SEPTIN5: variants seen among roughly 807,000 people sequenced by gnomAD.
The protein encoded by SEPTIN5 is septin-5.
Under a neutral mutation model 51.2 loss-of-function variants are expected in SEPTIN5, and 16 were observed. The observed-to-expected ratio is 0.31, with a 90% confidence interval of 0.21 to 0.47. The LOEUF is 0.47. Ranked by LOEUF, SEPTIN5 falls within the 20% of genes least tolerant of loss-of-function variation. The pLI, the probability that SEPTIN5 is intolerant of heterozygous loss-of-function variation, is 0.99. For missense variants in SEPTIN5, 376 were observed against 500.3 expected (o/e 0.75, Z 2.37); for synonymous variants, 208 against 191.2 (o/e 1.09, Z -0.72).
At position 19,723,280 on chromosome 22, in the gene SEPTIN5, G is replaced by C. The variant is rs2145794763; in HGVS notation, c.*796G>C. 1.4e-6 allele frequency: 1 copy of C among 692,972 alleles called. No homozygotes were observed. Among genetic ancestry groups the C allele is most frequent in the East Asian group, 2.7e-5 (1 of 36,728 alleles). The allele number at this position is 692,972 out of a possible 1,614,324, so 42.9% of individuals were successfully genotyped here. On this transcript the variant is annotated 3_prime_UTR_variant, in exon 12 of 12. Transcript: ENST00000455784. ...CGTTTTCTTCCGTTGTGAATGCCGC[G>C]TCCTGTCCTGGTGACAGGAGAACAA...
In SEPTIN5 at chr22:19,714,553, C is replaced by T; in HGVS notation, c.-36C>T. On this transcript the variant is annotated 5_prime_UTR_variant, in exon 1 of 12. Coordinates refer to ENST00000455784, the MANE Select transcript of SEPTIN5 (RefSeq NM_002688.6). This position sits in a 1 kb window ranked among gnomAD's most constrained non-coding sequence, Gnocchi z 5.2. ...GCCGCTTGTCGTCGCGCCCCGCCCGCGAGCCCGCCCCGCACGTCCCCCGCC... is the reference window on the plus strand; with the variant it reads ...GCCGCTTGTCGTCGCGCCCCGCCCGTGAGCCCGCCCCGCACGTCCCCCGCC... The T allele has an allele frequency of 7.4e-7, 1 of 1,349,408 alleles. No individual in the cohort carries two copies. Among genetic ancestry groups the T allele is most frequent in the Non-Finnish European group, 9.5e-7 (1 of 1,051,926 alleles). 83.6% of individuals were successfully genotyped at this position (1,349,408 alleles called of 1,614,324 possible).
intron 2 of SEPTIN5, chr22:19,718,735 G>A (rs1180165297): frequency 1.6e-6 from 2 of 1,242,640 alleles, no homozygotes; most frequent in Middle Eastern, 4.6e-4. Flanking sequence ...GGGGGTCGCC[G>A]CGATGGACTC....
Position 19,723,188 on chromosome 22 carries a change from C to T in SEPTIN5, c.*704C>T, listed in dbSNP as rs1481377386. On this transcript the variant is annotated 3_prime_UTR_variant, in exon 12 of 12. Coordinates refer to ENST00000455784, the MANE Select transcript of SEPTIN5 (RefSeq NM_002688.6). ...TTCTCCCCAGCACCGCTGTGGTGTGCCGGGATCCTGAGCCTAGGCCTCCCG... is the reference window on the plus strand; with the variant it reads ...TTCTCCCCAGCACCGCTGTGGTGTGTCGGGATCCTGAGCCTAGGCCTCCCG... 1.7e-6 allele frequency: 1 copy of T among 588,534 alleles called. No homozygotes were observed. The highest frequency in any genetic ancestry group is 3.2e-6 in the Non-Finnish European group (1 of 312,324). The allele number at this position is 588,534 out of a possible 1,614,324, so 36.5% of individuals were successfully genotyped here. A position where few individuals can be genotyped will look rare whatever the true frequency, so the allele number is the denominator to read the frequency against.
Position 19,719,718 on chromosome 22 carries a change from C to CG in SEPTIN5, c.151+25dup. The CG allele has an allele frequency of 1.2e-6, 2 of 1,612,088 alleles. No homozygotes were observed. The highest frequency in any genetic ancestry group is 1.1e-5 in the South Asian group (1 of 91,058). On this transcript the variant is annotated intron_variant, in intron 3 of 11. Coordinates refer to ENST00000455784, the MANE Select transcript of SEPTIN5 (RefSeq NM_002688.6). ...TGGCTGGTGAGTGGGCCAGGCTCCT[C>CG]GGGGGAGTGGCTGGGGTCACTGGCC...
At chr22:19,717,789 G>A in intron 2 of SEPTIN5, 1 of 228,920 alleles carries the variant, frequency 4.4e-6, no homozygotes, top group Non-Finnish European at 8.9e-6. Flanking sequence ...ACACACCCGC[G>A]CACACGCACA....
intron 2 of SEPTIN5, chr22:19,717,515 C>A (rs1343225420): frequency 1.1e-5 from 4 of 354,064 alleles, no homozygotes; most frequent in East Asian, 1.7e-4. Flanking sequence ...CCCACCCCCA[C>A]CCCTGTCTCT....
intron 4 of SEPTIN5, 55 bp downstream of exon 4, chr22:19,719,947 C>T: frequency 6.3e-7 from 1 of 1,599,242 alleles, no homozygotes; most frequent in Admixed American, 1.7e-5. Context: ...TCCATGGGAC[C>T]TCTCCAAGGA....
In SEPTIN5 at chr22:19,720,531, C is replaced by A. The variant is rs756736977; in HGVS notation, c.498-18C>A. On this transcript the variant is annotated intron_variant, in intron 6 of 11. Coordinates refer to ENST00000455784, the MANE Select transcript of SEPTIN5 (RefSeq NM_002688.6). Reference sequence around the variant, plus strand: ...CCCCCTGGCTGTGCCTATGCCCACCCTTGGCTGCTCTCGGCAGGCTGCGGC... The same window carrying A: ...CCCCCTGGCTGTGCCTATGCCCACCATTGGCTGCTCTCGGCAGGCTGCGGC... 7.4e-6 allele frequency: 12 copies of A among 1,613,322 alleles called. No homozygotes were observed. The South Asian group carries it at 1.3e-4, about 18-fold the overall frequency.
intron 2 of SEPTIN5, among the ~76,000 whole-genome samples, chr22:19,715,839 T>C (rs1034957144): frequency 1.3e-5 from 2 of 152,124 alleles, no homozygotes; most frequent in African/African-American, 4.8e-5. Flanking sequence ...AGGGGCCCCT[T>C]GGGGAGCCAG....
At chr22:19,722,025 C>A (rs952559994) in intron 10 of SEPTIN5, 68 bp downstream of exon 10, 1 of 1,545,492 alleles carries the variant, frequency 6.5e-7, no homozygotes. Context: ...AACTGAGGGC[C>A]GGTCCTGTCA....
At chr22:19,715,211 G>A (rs998169571) in intron 2 of SEPTIN5, among the ~76,000 whole-genome samples, 1 of 152,234 alleles carries the variant, frequency 6.6e-6, no homozygotes, top group Non-Finnish European at 1.5e-5. Flanking sequence ...GAGGGCCTGT[G>A]GTCACCACCC....
Position 19,719,843 on chromosome 22 carries a change from C to T in SEPTIN5, c.189C>T (p.Ser63=), listed in dbSNP as rs1165915059. ...TGGGGAAGTCCACACTGGTCCACAG[C>T]CTCTTCCTGACAGACTTGTACAAGG... ...SGLGKSTLVH[S]LFLTDLYKDR... The change falls in exon 4 of 12, where the codon AGC becomes AGT. Residue 63 remains serine, a synonymous_variant. Transcript: ENST00000455784. 1 of 1,613,008 alleles carries T rather than the reference C, an allele frequency of 6.2e-7. No individual in the cohort carries two copies. The highest frequency in any genetic ancestry group is 2.2e-5 in the East Asian group (1 of 44,892).
chr22:19,721,861 A>G lies in SEPTIN5; in HGVS notation c.854A>G (p.Asn285Ser), dbSNP rs1454237062. Residue 285 changes from asparagine (N) to serine (S), a missense_variant, in exon 10 of 12, where the codon AAC (asparagine) becomes AGC (serine). By Grantham distance (46) the Asn-to-Ser change is conservative. Transcript: ENST00000455784. ...CATTGCGACTTCGTGAAGCTGCGCA[A>G]CATGCTCATCCGCACGCATATGCAC... ...QAHCDFVKLRNMLIRTHMHDL... is the reference protein window; with the variant it reads ...QAHCDFVKLRSMLIRTHMHDL... The G allele has an allele frequency of 8.1e-6, 13 of 1,611,670 alleles. No individual in the cohort carries two copies. The highest frequency in any genetic ancestry group is 1.7e-5 in the Admixed American group (1 of 59,950).
chr22:19,717,295 G>T (rs1240045594), intron 2 of SEPTIN5: 1 of 470,648 alleles, frequency 2.1e-6, no homozygotes, highest in East Asian at 6.9e-5. Flanking sequence ...GCTCCGCTGG[G>T]CTTGCCTGTT....
At chr22:19,717,975 G>A (rs1410105528) in intron 2 of SEPTIN5, 2 of 153,694 alleles carry the variant, frequency 1.3e-5, no homozygotes, top group Non-Finnish European at 2.9e-5. Flanking sequence ...CAGGGCTGGG[G>A]AGGGGTGCAG....
In SEPTIN5 at chr22:19,721,652, T is replaced by G; in HGVS notation, c.730T>G (p.Phe244Val). The G allele has an allele frequency of 1.2e-6, 2 of 1,612,808 alleles. No homozygotes were observed. The highest frequency in any genetic ancestry group is 1.7e-6 in the Non-Finnish European group (2 of 1,179,774). Residue 244 changes from phenylalanine (F) to valine (V), a missense_variant, in exon 9 of 12, where the codon TTC becomes GTC. Phe to Val is a conservative substitution (Grantham distance 50). Around this residue, in one of 2 missense-constraint regions of SEPTIN5, gnomAD observed 287 missense variants for 417.1 expected, o/e 0.69. Coordinates refer to ENST00000455784, the MANE Select transcript of SEPTIN5 (RefSeq NM_002688.6). ...QDRELKESAPFAVIGSNTVVE... is the reference protein window; with the variant it reads ...QDRELKESAPVAVIGSNTVVE... ...CTCCTTCCCCCAGGAGAGCGCGCCC[T>G]TCGCCGTTATAGGCAGCAACACGGT...
At position 19,723,264 on chromosome 22, in the gene SEPTIN5, C is replaced by T. The variant is rs1468375792; in HGVS notation, c.*780C>T. 1 of 683,062 alleles carries T rather than the reference C, an allele frequency of 1.5e-6. No individual in the cohort carries two copies. The highest frequency in any genetic ancestry group is 2.7e-6 in the Non-Finnish European group (1 of 372,500). The allele number at this position is 683,062 out of a possible 1,614,324, so 42.3% of individuals were successfully genotyped here. On this transcript the variant is annotated 3_prime_UTR_variant, in exon 12 of 12. Transcript: ENST00000455784. ...CCGCCACACGATGCTCCGTTTTCTT[C>T]CGTTGTGAATGCCGCGTCCTGTCCT...
chr22:19,715,985 C>CG (rs1935906177), intron 2 of SEPTIN5, among the ~76,000 whole-genome samples: 1 of 152,218 alleles, frequency 6.6e-6, no homozygotes, highest in African/African-American at 2.4e-5. Context: ...TGAGGCTTCT[C>CG]CTGTGCCTGC....
In SEPTIN5 at chr22:19,722,739, C is replaced by T. The variant is rs559352089; in HGVS notation, c.*255C>T. 28 of 556,964 alleles carry T rather than the reference C, an allele frequency of 5.0e-5. No individual in the cohort carries two copies. The highest frequency in any genetic ancestry group is 4.7e-4 in the South Asian group (23 of 48,680). The allele number at this position is 556,964 out of a possible 1,614,324, so 34.5% of individuals were successfully genotyped here. ...GACTTCAGAGATCCGCCTCCCTTGC[C>T]CTTCCCCCGCCCCCGGACGGTCACA... On this transcript the variant is annotated 3_prime_UTR_variant, in exon 12 of 12. Coordinates refer to ENST00000455784, the MANE Select transcript of SEPTIN5 (RefSeq NM_002688.6).
Sources: allele counts gnomAD v4.1 joint callset (sites outside exome capture counted in the v4.1 genomes callset), GRCh38; gene constraint gnomAD v4.1.1; regional missense constraint gnomAD v4.1.1; non-coding constraint Gnocchi (gnomAD v3.1); transcripts MANE v1.5; gene names NCBI Gene and HGNC (gene_info 2026-07-23, HGNC 2026-07-21).